Variants in WWOX observed in about 807,000 individuals in gnomAD.
The protein encoded by WWOX is WW domain-containing oxidoreductase.
In WWOX, 69 loss-of-function variants were observed where a neutral mutation model predicts 46.2. The observed-to-expected ratio is 1.49, with a 90% CI of 1.23 to 1.82. The LOEUF is 1.82. Among genes scored for constraint, WWOX ranks in the 40% most tolerant of loss-of-function variants. The pLI, the probability that WWOX is intolerant of heterozygous loss-of-function variation, is 0.00. For synonymous variants in WWOX, 359 were observed against 202.6 expected, an observed-to-expected ratio of 1.77 and a Z score of -6.56; for missense variants, 919 against 542.6, an observed-to-expected ratio of 1.69 and a Z score of -6.89.
At chr16:78,568,868 C>T (rs558174154) in intron 8 of WWOX, among the ~76,000 whole-genome samples, 1 of 152,238 alleles carries the variant, frequency 6.6e-6, no homozygotes, top group Admixed American at 6.5e-5. Flanking sequence ...TTCTGTCTTA[C>T]ACGTTTTACG....
chr16:78,663,947 C>T (rs775636515), intron 8 of WWOX, among the ~76,000 whole-genome samples: 8 of 152,176 alleles, frequency 5.3e-5, no homozygotes, highest in Non-Finnish European at 7.3e-5. Context: ...GGGGGGCCAA[C>T]CACACATGTG....
At position 78,099,733 on chromosome 16, in the gene WWOX, AC is replaced by A; in HGVS notation, c.-43del. 2 of 1,513,024 alleles carry A rather than the reference AC, an allele frequency of 1.3e-6. No individual in the cohort carries two copies. The highest frequency in any genetic ancestry group is 1.8e-6 in the Non-Finnish European group (2 of 1,131,022). The allele number at this position is 1,513,024 out of a possible 1,614,324, so 93.7% of individuals were successfully genotyped here. ...CGGGAGTGAGTTCCTGAGCGAGTGG[AC>A]CCGGCAGCGGGCGATAGGGGGGCCA... On this transcript the variant is annotated 5_prime_UTR_variant, in exon 1 of 9. Coordinates refer to ENST00000566780, the MANE Select transcript of WWOX (RefSeq NM_016373.4).
chr16:78,151,703 T>C (rs932498535), intron 4 of WWOX, among the ~76,000 whole-genome samples: 1 of 152,216 alleles, frequency 6.6e-6, no homozygotes, highest in Non-Finnish European at 1.5e-5. Context: ...GGTTTGTTAT[T>C]TTTAGTTTCT....
intron 5 of WWOX, among the ~76,000 whole-genome samples, chr16:78,189,129 G>C (rs905015768): frequency 2.0e-5 from 3 of 152,154 alleles, no homozygotes; most frequent in African/African-American, 7.2e-5. Context: ...CAAGACATGG[G>C]TTCAGGTCTG....
intron 8 of WWOX, among the ~76,000 whole-genome samples, chr16:78,595,250 C>T (rs1004830777): frequency 6.6e-6 from 1 of 151,828 alleles, no homozygotes; most frequent in Admixed American, 6.6e-5. Context: ...AGTCGTGGGA[C>T]TAGGGAAGTG....
chr16:78,398,666 T>C (rs2082343197), intron 6 of WWOX, among the ~76,000 whole-genome samples: 3 of 152,206 alleles, frequency 2.0e-5, no homozygotes, highest in Admixed American at 1.3e-4. Flanking sequence ...CTTTGGCTAA[T>C]ACATCTTGGT....
chr16:78,255,367 G>T (rs1731729706), intron 5 of WWOX, among the ~76,000 whole-genome samples: 1 of 152,162 alleles, frequency 6.6e-6, no homozygotes, highest in African/African-American at 2.4e-5. Flanking sequence ...TTAAAAACTT[G>T]GAAGACACTA....
At chr16:78,747,737 A>G (rs545810185) in intron 8 of WWOX, among the ~76,000 whole-genome samples, 2 of 152,316 alleles carry the variant, frequency 1.3e-5, no homozygotes, top group African/African-American at 2.4e-5. Flanking sequence ...GCGTCAGCCC[A>G]TGAGCTTATC....
chr16:78,796,951 A>T (rs1190273500), intron 8 of WWOX, among the ~76,000 whole-genome samples: 1 of 151,444 alleles, frequency 6.6e-6, no homozygotes, highest in Non-Finnish European at 1.5e-5. Context: ...TCAGCCTTCC[A>T]AGTAGCTGGG....
At chr16:78,962,409 G>C (rs1377806274) in intron 8 of WWOX, among the ~76,000 whole-genome samples, 1 of 149,590 alleles carries the variant, frequency 6.7e-6, no homozygotes, top group East Asian at 2.0e-4. Context: ...AGGAGGCTGA[G>C]GAGTTTTACA....
At chr16:79,080,630 A>G (rs1408041344) in intron 8 of WWOX, among the ~76,000 whole-genome samples, 2 of 152,132 alleles carry the variant, frequency 1.3e-5, no homozygotes, top group African/African-American at 4.8e-5. Flanking sequence ...CAGTATCTAC[A>G]TTTGGTCCAG....
At chr16:78,955,947 C>T (rs1370689024) in intron 8 of WWOX, among the ~76,000 whole-genome samples, 1 of 151,694 alleles carries the variant, frequency 6.6e-6, no homozygotes, top group African/African-American at 2.4e-5. Flanking sequence ...CATGCCTGGC[C>T]TCTGGCCTTC....
chr16:78,817,255 G>A (rs1353442397), intron 8 of WWOX, among the ~76,000 whole-genome samples: 1 of 126,816 alleles, frequency 7.9e-6, no homozygotes. Context: ...GCCAACTGCA[G>A]TTTCAAAGTA....
At chr16:78,572,211 C>G (rs2044732637) in intron 8 of WWOX, among the ~76,000 whole-genome samples, 1 of 152,150 alleles carries the variant, frequency 6.6e-6, no homozygotes, top group African/African-American at 2.4e-5. Context: ...AATGGTGGCA[C>G]ATTCCTGCAT....
At chr16:78,558,199 C>T (rs2044352531) in intron 8 of WWOX, among the ~76,000 whole-genome samples, 1 of 152,178 alleles carries the variant, frequency 6.6e-6, no homozygotes, top group Admixed American at 6.5e-5. Flanking sequence ...GCTTTATTTT[C>T]AGTGTTTTTG....
intron 5 of WWOX, among the ~76,000 whole-genome samples, chr16:78,297,825 CTG>C (rs1001622066): frequency 9.3e-4 from 141 of 152,208 alleles, no homozygotes; most frequent in African/African-American, 3.4e-3. Flanking sequence ...TACAAGGAAA[CTG>C]TGCAGGAGTT....
At chr16:78,901,841 G>A (rs1341071004) in intron 8 of WWOX, among the ~76,000 whole-genome samples, 1 of 152,208 alleles carries the variant, frequency 6.6e-6, no homozygotes, top group African/African-American at 2.4e-5. Context: ...TCGCTGCCCA[G>A]GATAGAGGAG....
chr16:78,279,653 C>T (rs1597439331), intron 5 of WWOX, among the ~76,000 whole-genome samples: 1 of 152,154 alleles, frequency 6.6e-6, no homozygotes. Context: ...ATTTATGCCC[C>T]ATGCCAGGAG....
chr16:78,935,367 A>G (rs769157171), intron 8 of WWOX, among the ~76,000 whole-genome samples: 25 of 152,228 alleles, frequency 1.6e-4, no homozygotes, highest in Non-Finnish European at 3.1e-4. Flanking sequence ...ATGTTCATCA[A>G]TGATAGACTG....
Sources: gnomAD v4.1 joint callset for allele counts (sites outside exome capture counted in the v4.1 genomes callset) on GRCh38, gnomAD v4.1.1 for gene constraint, MANE v1.5 for transcripts, NCBI Gene and HGNC (gene_info 2026-07-23, HGNC 2026-07-21) for gene names.